PDE4D: variants seen among roughly 807,000 people sequenced by gnomAD.
PDE4D encodes phosphodiesterase 4D, also known as 3',5'-cyclic-AMP phosphodiesterase 4D.
A neutral mutation model predicts 87.4 loss-of-function variants in PDE4D; 24 were observed. The ratio of observed to expected loss-of-function variants is 0.27; its 90% CI spans 0.20 to 0.39. PDE4D has a LOEUF of 0.39. PDE4D is among the 10% of genes least tolerant of loss of function. The pLI, the probability that PDE4D is intolerant of heterozygous loss-of-function variation, is 1.00. For synonymous variants in PDE4D, 384 were observed against 383.2 expected, an observed-to-expected ratio of 1.00 and a Z score of -0.02; for missense variants, 714 against 1,041.0, an observed-to-expected ratio of 0.69 and a Z score of 4.32.
At chr5:60,476,661 G>A (rs1413695585) in intron 1 of PDE4D, among the ~76,000 whole-genome samples, 2 of 152,126 alleles carry the variant, frequency 1.3e-5, no homozygotes, top group African/African-American at 4.8e-5. Context: ...AAGTACAGCT[G>A]CTGCAGCACC....
intron 1 of PDE4D, among the ~76,000 whole-genome samples, chr5:59,836,501 T>C (rs1037402161): frequency 2.0e-5 from 3 of 151,996 alleles, no homozygotes; most frequent in African/African-American, 7.2e-5. Flanking sequence ...TATAAACAAA[T>C]AAATAGGCAG....
chr5:59,669,923 C>T (rs970099134), intron 1 of PDE4D, among the ~76,000 whole-genome samples: 2 of 152,118 alleles, frequency 1.3e-5, no homozygotes, highest in South Asian at 4.1e-4. Flanking sequence ...CATTTAACCC[C>T]TTAATTGTAT....
At chr5:60,083,564 C>G (rs1031083730) in intron 2 of PDE4D, among the ~76,000 whole-genome samples, 1 of 152,170 alleles carries the variant, frequency 6.6e-6, no homozygotes, top group African/African-American at 2.4e-5. Flanking sequence ...AGATGGCAAA[C>G]AGTATGGAAG....
chr5:59,706,274 T>C (rs1753393230), intron 1 of PDE4D, among the ~76,000 whole-genome samples: 1 of 152,090 alleles, frequency 6.6e-6, no homozygotes, highest in African/African-American at 2.4e-5. Flanking sequence ...CAGAAGAAGC[T>C]GTGGCCAGTG....
At chr5:59,944,323 G>C (rs1236709024) in intron 3 of PDE4D, among the ~76,000 whole-genome samples, 1 of 150,306 alleles carries the variant, frequency 6.7e-6, no homozygotes, top group East Asian at 1.9e-4. Context: ...TTGTATCTGG[G>C]CATACTTTAG....
At chr5:59,338,991 T>C (rs1478709726) in intron 1 of PDE4D, among the ~76,000 whole-genome samples, 1 of 152,226 alleles carries the variant, frequency 6.6e-6, no homozygotes, top group Non-Finnish European at 1.5e-5. Context: ...AGTGCCAAAT[T>C]TGCAACCATT....
intron 5 of PDE4D, among the ~76,000 whole-genome samples, chr5:59,158,370 G>A (rs147544841): frequency 6.6e-6 from 1 of 152,306 alleles, no homozygotes; most frequent in Admixed American, 6.5e-5. Context: ...ATACAATCGA[G>A]TCCCTGAACA....
In PDE4D at chr5:59,770,486, T is replaced by G. The variant is rs578229738; in HGVS notation, c.455+122682A>C. Reference sequence around the variant, plus strand: ...GTTTAAGAAGGGAAGGTTCAGAAATTAATGGAAAGAAAGAAAAGAAAGAAG... The same window carrying G: ...GTTTAAGAAGGGAAGGTTCAGAAATGAATGGAAAGAAAGAAAAGAAAGAAG... On this transcript the variant is annotated intron_variant, in intron 1 of 14. Transcript: ENST00000340635. Among the ~76,000 whole-genome samples the G allele has an allele frequency of 3.9e-5, 6 of 152,060 alleles. No individual in the cohort carries two copies. The South Asian group carries it at 1.2e-3, about 32-fold the overall frequency.
chr5:60,498,709 A>T (rs569689043), intron 1 of PDE4D, among the ~76,000 whole-genome samples: 12 of 152,126 alleles, frequency 7.9e-5, no homozygotes, highest in African/African-American at 2.7e-4. Context: ...TTACAATATC[A>T]CTTGTATAAT....
chr5:58,985,598 G>A (rs1397154419), intron 11 of PDE4D, among the ~76,000 whole-genome samples: 6 of 152,084 alleles, frequency 3.9e-5, no homozygotes, highest in Non-Finnish European at 8.8e-5. Flanking sequence ...CCAACTATGG[G>A]TTTATAAATT....
At chr5:59,795,059 G>T (rs1162411606) in intron 1 of PDE4D, among the ~76,000 whole-genome samples, 1 of 152,104 alleles carries the variant, frequency 6.6e-6, no homozygotes, top group Non-Finnish European at 1.5e-5. Context: ...ATATCCTAGC[G>T]GGGCTCTGAA....
chr5:60,337,255 C>T (rs1757848384), intron 1 of PDE4D, among the ~76,000 whole-genome samples: 1 of 149,544 alleles, frequency 6.7e-6, no homozygotes, highest in South Asian at 2.1e-4. Flanking sequence ...ATCACTTGAA[C>T]CCGGGGGGTA....
chr5:59,060,709 T>C (rs538668560), intron 5 of PDE4D, among the ~76,000 whole-genome samples: 2 of 152,254 alleles, frequency 1.3e-5, no homozygotes, highest in South Asian at 2.1e-4. Flanking sequence ...ACTTGGATGT[T>C]GGATGACTTT....
At chr5:60,114,378 T>C (rs969231149) in intron 2 of PDE4D, among the ~76,000 whole-genome samples, 1 of 152,116 alleles carries the variant, frequency 6.6e-6, no homozygotes, top group Non-Finnish European at 1.5e-5. Flanking sequence ...AATTGGTCAT[T>C]ATGTGCTTTC....
intron 1 of PDE4D, among the ~76,000 whole-genome samples, chr5:59,876,032 T>C (rs1357781522): frequency 6.6e-6 from 1 of 152,074 alleles, no homozygotes; most frequent in East Asian, 1.9e-4. Context: ...ACCTGGGTGA[T>C]GAAATAATCG....
At chr5:60,073,879 T>C (rs916989323) in intron 2 of PDE4D, among the ~76,000 whole-genome samples, 1 of 152,080 alleles carries the variant, frequency 6.6e-6, no homozygotes. Flanking sequence ...GTAATTACTA[T>C]CTTATTTTTA....
At chr5:59,732,426 A>ACACT (rs755395356) in intron 1 of PDE4D, among the ~76,000 whole-genome samples, 1 of 148,940 alleles carries the variant, frequency 6.7e-6, no homozygotes, top group Non-Finnish European at 1.5e-5. Flanking sequence ...ACACACACAC[A>ACACT]CTCACTCACG....
At chr5:59,571,155 A>G (rs1180743801) in intron 1 of PDE4D, among the ~76,000 whole-genome samples, 1 of 152,224 alleles carries the variant, frequency 6.6e-6, no homozygotes, top group Non-Finnish European at 1.5e-5. Context: ...TGCTAGACAT[A>G]GAGGTTTTTA....
chr5:59,615,871 T>C (rs1259850157), intron 1 of PDE4D, among the ~76,000 whole-genome samples: 1 of 152,174 alleles, frequency 6.6e-6, no homozygotes, highest in Non-Finnish European at 1.5e-5. Flanking sequence ...CTAGGCAGTT[T>C]TCTATCTATT....
Sources: gnomAD v4.1 joint callset for allele counts (sites outside exome capture counted in the v4.1 genomes callset) on GRCh38, gnomAD v4.1.1 for gene constraint, MANE v1.5 for transcripts, NCBI Gene and HGNC (gene_info 2026-07-23, HGNC 2026-07-21) for gene names.